Variants in DDX10 observed in about 807,000 individuals in gnomAD.
DDX10 encodes the protein DEAD-box helicase 10.
In DDX10, 74 loss-of-function variants were observed where a neutral mutation model predicts 104.3. The observed-to-expected ratio is 0.71, with a 90% CI of 0.59 to 0.86. The LOEUF (loss-of-function observed/expected upper bound fraction) is 0.86. Among genes scored for constraint, DDX10 ranks in the 40% least tolerant of loss-of-function variants. The pLI, the probability that DDX10 is intolerant of heterozygous loss-of-function variation, is 0.00. For missense variants in DDX10, 952 were observed against 1,040.0 expected, an observed-to-expected ratio of 0.92 and a Z score of 1.16; for synonymous variants, 351 against 353.4, an observed-to-expected ratio of 0.99 and a Z score of 0.08.
intron 13 of DDX10, among the ~76,000 whole-genome samples, chr11:108,806,683 C>CT (rs148919547): frequency 1.3e-5 from 2 of 152,274 alleles, no homozygotes; most frequent in East Asian, 3.9e-4. Flanking sequence ...GCAAGGGCCT[C>CT]TCTCAGAGGG....
chr11:108,742,695 A>G (rs1286841404), intron 13 of DDX10, among the ~76,000 whole-genome samples: 1 of 152,340 alleles, frequency 6.6e-6, no homozygotes, highest in East Asian at 1.9e-4. Context: ...AAACACAATC[A>G]GAAATGACAG....
chr11:108,852,290 AT>A, intron 16 of DDX10, 81 bp downstream of exon 16: 2 of 946,540 alleles, frequency 2.1e-6, no homozygotes, highest in Non-Finnish European at 3.2e-6. Context: ...GGCAAGAACA[AT>A]GCTTATAATG....
chr11:108,890,010 A>C (rs1323942413), intron 16 of DDX10, among the ~76,000 whole-genome samples: 1 of 152,238 alleles, frequency 6.6e-6, no homozygotes, highest in East Asian at 1.9e-4. Flanking sequence ...ATAAAAAAGC[A>C]TATAGAACTT....
chr11:108,768,558 A>G (rs1156862237), intron 13 of DDX10, among the ~76,000 whole-genome samples: 1 of 152,064 alleles, frequency 6.6e-6, no homozygotes, highest in African/African-American at 2.4e-5. Context: ...GCATATTTTA[A>G]TTTGTCTTGC....
chr11:108,842,789 C>T (rs1862658778), intron 15 of DDX10, among the ~76,000 whole-genome samples: 1 of 152,156 alleles, frequency 6.6e-6, no homozygotes, highest in Non-Finnish European at 1.5e-5. Context: ...AGGAGCTTGT[C>T]ATGTTTCAGC....
chr11:108,893,794 T>C (rs186865998), intron 16 of DDX10, among the ~76,000 whole-genome samples: 6 of 152,172 alleles, frequency 3.9e-5, no homozygotes, highest in East Asian at 3.9e-4. Flanking sequence ...AAACAGAATA[T>C]TGGGGACTGA....
chr11:108,847,802 C>A (rs1024268823), intron 15 of DDX10, among the ~76,000 whole-genome samples: 3 of 152,270 alleles, frequency 2.0e-5, no homozygotes, highest in African/African-American at 7.2e-5. Flanking sequence ...ATATTATATG[C>A]TAATAATTAA....
At chr11:108,813,680 G>T (rs1862217517) in intron 13 of DDX10, among the ~76,000 whole-genome samples, 1 of 152,092 alleles carries the variant, frequency 6.6e-6, no homozygotes, top group Non-Finnish European at 1.5e-5. Flanking sequence ...AACCCTGGGA[G>T]AATTCTAGTA....
chr11:108,809,279 A>G (rs1862144840), intron 13 of DDX10, among the ~76,000 whole-genome samples: 1 of 152,180 alleles, frequency 6.6e-6, no homozygotes, highest in African/African-American at 2.4e-5. Context: ...AAAATGCGAG[A>G]CATTTTGGGT....
At chr11:108,686,631 A>G (rs1359418319) in intron 6 of DDX10, among the ~76,000 whole-genome samples, 2 of 152,188 alleles carry the variant, frequency 1.3e-5, no homozygotes, top group East Asian at 1.9e-4. Context: ...CAGTTTATTT[A>G]TCCATTCACT....
At chr11:108,714,198 G>T (rs1048658108) in intron 10 of DDX10, among the ~76,000 whole-genome samples, 3 of 152,158 alleles carry the variant, frequency 2.0e-5, no homozygotes, top group Non-Finnish European at 4.4e-5. Context: ...CCTTATGAAT[G>T]GGTCCTCCTG....
intron 13 of DDX10, among the ~76,000 whole-genome samples, chr11:108,814,458 C>T (rs1479598046): frequency 6.6e-6 from 1 of 152,036 alleles, no homozygotes; most frequent in Non-Finnish European, 1.5e-5. Flanking sequence ...GGAATTCACT[C>T]TCAGCTCTGA....
At chr11:108,901,454 C>T (rs2134648897) in intron 16 of DDX10, among the ~76,000 whole-genome samples, 1 of 152,246 alleles carries the variant, frequency 6.6e-6, no homozygotes, top group East Asian at 1.9e-4. Context: ...GAATTTATTA[C>T]CAAGTCTAAA....
At chr11:108,864,898 T>A (rs1365047) in intron 16 of DDX10, among the ~76,000 whole-genome samples, 114,014 of 152,088 alleles carry the variant, frequency 0.75, 43,108 homozygotes, top group Admixed American at 0.79. Context: ...AAACTCAGCA[T>A]GCCCAAACTC....
At chr11:108,806,531 C>G (rs913596598) in intron 13 of DDX10, among the ~76,000 whole-genome samples, 8 of 152,130 alleles carry the variant, frequency 5.3e-5, no homozygotes, top group African/African-American at 1.7e-4. Flanking sequence ...GTCATCAAGG[C>G]CATGTTAGCT....
chr11:108,789,446 T>G (rs963747562), intron 13 of DDX10, among the ~76,000 whole-genome samples: 3 of 152,228 alleles, frequency 2.0e-5, no homozygotes, highest in Admixed American at 6.5e-5. Context: ...TCATTCAGTT[T>G]CAAAGAAAAG....
intron 16 of DDX10, among the ~76,000 whole-genome samples, chr11:108,913,241 A>G (rs1315141154): frequency 6.6e-6 from 1 of 151,952 alleles, no homozygotes; most frequent in Non-Finnish European, 1.5e-5. Context: ...AGTATCTGTA[A>G]GATGTACATT....
chr11:108,864,443 A>G (rs898745504), intron 16 of DDX10, among the ~76,000 whole-genome samples: 10 of 151,414 alleles, frequency 6.6e-5, no homozygotes, highest in Non-Finnish European at 1.3e-4. Context: ...TAGATAGAAT[A>G]AACTTTATAT....
At chr11:108,880,796 T>G (rs894874041) in intron 16 of DDX10, among the ~76,000 whole-genome samples, 6 of 152,224 alleles carry the variant, frequency 3.9e-5, no homozygotes, top group African/African-American at 1.4e-4. Flanking sequence ...TTTCCTTAAG[T>G]ATGTAATCAA....
Sources: allele counts gnomAD v4.1 joint callset (sites outside exome capture counted in the v4.1 genomes callset), GRCh38; gene constraint gnomAD v4.1.1; transcripts MANE v1.5; gene names NCBI Gene and HGNC (gene_info 2026-07-23, HGNC 2026-07-21).